The following FNDC3B variants were observed in gnomAD, a reference collection of about 807,000 sequenced individuals.
The protein encoded by FNDC3B is fibronectin type III domain-containing protein 3B.
A neutral mutation model predicts 151.5 loss-of-function variants in FNDC3B; 12 were observed. The observed-to-expected ratio is 0.08, with a 90% CI of 0.05 to 0.13. The LOEUF (loss-of-function observed/expected upper bound fraction) is 0.13. Ranked by LOEUF, FNDC3B falls within the 10% of genes least tolerant of loss-of-function variation. The pLI is 1.00. For synonymous variants in FNDC3B, 528 were observed against 549.0 expected (o/e 0.96, Z 0.54); for missense variants, 1,214 against 1,505.3 (o/e 0.81, Z 3.20).
chr3:172,285,831 T>C lies in FNDC3B; in HGVS notation c.791-95T>C, dbSNP rs190283558. Reference sequence around the variant, plus strand: ...TCATGATAACAGGCAACTGATTTAATGATAACTCCAGTTAAAAGGCCTTGG... The same window carrying C: ...TCATGATAACAGGCAACTGATTTAACGATAACTCCAGTTAAAAGGCCTTGG... On this transcript the variant is annotated intron_variant, in intron 6 of 25. Transcript: ENST00000415807. 509 of 832,604 alleles carry C rather than the reference T, an allele frequency of 6.1e-4. 2 individuals are homozygous for C. The highest frequency in any genetic ancestry group is 1.8e-3 in the Admixed American group (80 of 45,234). 51.6% of individuals were successfully genotyped at this position (832,604 alleles called of 1,614,324 possible).
intron 25 of FNDC3B, among the ~76,000 whole-genome samples, chr3:172,382,504 G>C (rs1735512929): frequency 6.6e-6 from 1 of 152,142 alleles, no homozygotes; most frequent in African/African-American, 2.4e-5. Flanking sequence ...GGCTTTTGTT[G>C]CCATTGCTTT....
At chr3:172,354,393 A>G (rs1733988713) in intron 22 of FNDC3B, among the ~76,000 whole-genome samples, 5 of 151,824 alleles carry the variant, frequency 3.3e-5, no homozygotes, top group Admixed American at 3.3e-4. Context: ...AATATTAGGG[A>G]CCAAGTTCAA....
At chr3:172,084,412 C>CT (rs1204583613) in intron 1 of FNDC3B, among the ~76,000 whole-genome samples, 4 of 101,814 alleles carry the variant, frequency 3.9e-5, no homozygotes, top group African/African-American at 1.4e-4. Flanking sequence ...GATGGTGCCA[C>CT]TGCACTCCAA....
intron 1 of FNDC3B, among the ~76,000 whole-genome samples, chr3:172,100,207 A>C (rs896640878): frequency 1.3e-5 from 2 of 152,246 alleles, no homozygotes; most frequent in Non-Finnish European, 2.9e-5. Context: ...TAACTTCAGC[A>C]CAGAAGAGTG....
At chr3:172,132,138 CTG>C (rs2037828150) in intron 2 of FNDC3B, among the ~76,000 whole-genome samples, 1 of 152,070 alleles carries the variant, frequency 6.6e-6, no homozygotes, top group African/African-American at 2.4e-5. Flanking sequence ...AGTCAAAACA[CTG>C]TTATCACAAG....
At chr3:172,379,889 A>G (rs867946099) in intron 24 of FNDC3B, among the ~76,000 whole-genome samples, 5 of 152,110 alleles carry the variant, frequency 3.3e-5, no homozygotes, top group Admixed American at 6.6e-5. Context: ...CAGCCTTTCT[A>G]CTTCAGAAGG....
chr3:172,340,237 G>A (rs1295442220), intron 16 of FNDC3B, among the ~76,000 whole-genome samples: 1 of 151,532 alleles, frequency 6.6e-6, no homozygotes, highest in Admixed American at 6.6e-5. Flanking sequence ...GATCACTTGG[G>A]TCATGCCACA....
At chr3:172,319,488 A>C (rs191013951) in intron 11 of FNDC3B, among the ~76,000 whole-genome samples, 261 of 152,346 alleles carry the variant, frequency 1.7e-3, no homozygotes, top group African/African-American at 6.1e-3. Context: ...CCCCTCTTAC[A>C]GAAAAGCTAG....
chr3:172,374,975 G>GGAAATGA (rs1450290476), intron 23 of FNDC3B, among the ~76,000 whole-genome samples: 2 of 146,948 alleles, frequency 1.4e-5, no homozygotes, highest in East Asian at 2.0e-4. Flanking sequence ...ACATGAAATT[G>GGAAATGA]GAAATGACTG....
intron 25 of FNDC3B, among the ~76,000 whole-genome samples, chr3:172,383,754 G>C (rs931744430): frequency 6.6e-6 from 1 of 152,160 alleles, no homozygotes; most frequent in Non-Finnish European, 1.5e-5. Flanking sequence ...GTTTTATCAT[G>C]TTTCATAGCC....
intron 3 of FNDC3B, among the ~76,000 whole-genome samples, chr3:172,202,593 C>G (rs953222654): frequency 6.6e-6 from 1 of 152,166 alleles, no homozygotes; most frequent in Admixed American, 6.5e-5. Flanking sequence ...TAGAAATTCT[C>G]CAAACGGAAC....
intron 9 of FNDC3B, among the ~76,000 whole-genome samples, chr3:172,305,334 T>C (rs1355968724): frequency 6.6e-6 from 1 of 152,252 alleles, no homozygotes; most frequent in Non-Finnish European, 1.5e-5. Flanking sequence ...GGTTGATATG[T>C]CTTAAATATA....
chr3:172,287,948 G>C (rs1323507621), intron 7 of FNDC3B, among the ~76,000 whole-genome samples: 1 of 152,286 alleles, frequency 6.6e-6, no homozygotes, highest in East Asian at 1.9e-4. Context: ...GCATTGCTTG[G>C]CTACAGAAGC....
intron 7 of FNDC3B, among the ~76,000 whole-genome samples, chr3:172,286,905 T>A (rs1730048883): frequency 6.6e-6 from 1 of 152,212 alleles, no homozygotes. Context: ...TAGAATCTGC[T>A]ACTGTAGTCC....
chr3:172,168,950 T>A (rs1723153221), intron 3 of FNDC3B, among the ~76,000 whole-genome samples: 1 of 150,598 alleles, frequency 6.6e-6, no homozygotes, highest in Non-Finnish European at 1.5e-5. Flanking sequence ...TGACCTCAGA[T>A]GATCTGCCTG....
intron 11 of FNDC3B, among the ~76,000 whole-genome samples, chr3:172,314,045 G>C (rs923224091): frequency 2.0e-5 from 3 of 152,178 alleles, no homozygotes; most frequent in Non-Finnish European, 4.4e-5. Flanking sequence ...AACACATAAG[G>C]CTCTGGCCAT....
intron 23 of FNDC3B, among the ~76,000 whole-genome samples, chr3:172,368,140 C>T (rs1282210437): frequency 1.3e-5 from 2 of 152,030 alleles, no homozygotes. Flanking sequence ...GGCATGGAGG[C>T]ACACACTAGG....
chr3:172,234,719 G>T (rs976887191), intron 4 of FNDC3B, among the ~76,000 whole-genome samples: 7 of 152,174 alleles, frequency 4.6e-5, no homozygotes, highest in African/African-American at 1.4e-4. Context: ...AATCATTAGT[G>T]TTAAATTTGC....
intron 3 of FNDC3B, among the ~76,000 whole-genome samples, chr3:172,200,571 C>G (rs985203651): frequency 6.6e-6 from 1 of 152,242 alleles, no homozygotes. Context: ...ATGTTAGATG[C>G]GTTCACCCAA....
Sources: gnomAD v4.1 joint callset for allele counts (sites outside exome capture counted in the v4.1 genomes callset) on GRCh38, gnomAD v4.1.1 for gene constraint, MANE v1.5 for transcripts, NCBI Gene and HGNC (gene_info 2026-07-23, HGNC 2026-07-21) for gene names.